Variants in KCNQ1 observed in about 807,000 individuals in gnomAD.
KCNQ1 encodes potassium voltage-gated channel subfamily Q member 1, also known as potassium voltage-gated channel subfamily KQT member 1.
KCNQ1 carries 49 observed loss-of-function variants against 72.4 expected under a neutral mutation model. That is an observed-to-expected ratio of 0.68 (90% CI 0.54 to 0.86). The LOEUF (loss-of-function observed/expected upper bound fraction) is 0.86. Among genes scored for constraint, KCNQ1 ranks in the 40% least tolerant of loss-of-function variants. KCNQ1 has a pLI of 0.00. For synonymous variants in KCNQ1, 450 were observed against 412.6 expected, an observed-to-expected ratio of 1.09 and a Z score of -1.10; for missense variants, 790 against 945.1, an observed-to-expected ratio of 0.84 and a Z score of 2.15.
rs1190720092 is a variant in KCNQ1 at position 2,547,042 on chromosome 11, G to T, written c.477+19024G>T. Among the ~76,000 whole-genome samples the T allele has an allele frequency of 6.6e-6, 1 of 152,148 alleles. No homozygotes were observed. Among genetic ancestry groups the T allele is most frequent in the Non-Finnish European group, 1.5e-5 (1 of 68,026 alleles). On this transcript the variant is annotated intron_variant, in intron 2 of 15. Transcript: ENST00000155840. The surrounding 1 kb of genome is among the most constrained non-coding windows in gnomAD (Gnocchi z 4.2). The stretch of plus-strand genomic sequence containing the variant: ...CATATAGTTGAGTCTTATTTTGTGA[G>T]TCAAACTATTTTTCTCCTGAAAAGT...
In KCNQ1 at chr11:2,451,008, G is replaced by A. The variant is rs1459181724; in HGVS notation, c.386+5524G>A. Among the ~76,000 whole-genome samples, 1 of 152,110 alleles carries A rather than the reference G, an allele frequency of 6.6e-6. No homozygotes were observed. Among genetic ancestry groups the A allele is most frequent in the Non-Finnish European group, 1.5e-5 (1 of 68,020 alleles). On this transcript the variant is annotated intron_variant, in intron 1 of 15. Transcript: ENST00000155840. This position sits in a 1 kb window ranked among gnomAD's most constrained non-coding sequence, Gnocchi z 6.4. ...TTCCCACTTCTCGACCATCTCCTGGGAAGTTCTAATGTTTGGTTCAGGGTG... is the reference window on the plus strand; with the variant it reads ...TTCCCACTTCTCGACCATCTCCTGGAAAGTTCTAATGTTTGGTTCAGGGTG...
intron 1 of KCNQ1, among the ~76,000 whole-genome samples, chr11:2,489,889 G>A (rs1396659764): frequency 6.6e-6 from 1 of 152,202 alleles, no homozygotes; most frequent in Admixed American, 6.5e-5. Context: ...TATCCTGTGG[G>A]CCTTGAATGA....
chr11:2,762,181 G>A lies in KCNQ1; in HGVS notation c.1515-6663G>A, dbSNP rs1022243963. Among the ~76,000 whole-genome samples, 1 of 152,246 alleles carries A rather than the reference G, an allele frequency of 6.6e-6. No homozygotes were observed. On this transcript the variant is annotated intron_variant, in intron 11 of 15. Transcript: ENST00000155840. The surrounding 1 kb of genome is among the most constrained non-coding windows in gnomAD (Gnocchi z 4.3). ...AGTTCCTCTCGTGTGTCAGGCCTGG[G>A]AGGGGGGCCTTCATGAGACCATCAC...
chr11:2,797,511 G>A (rs1847161849), intron 15 of KCNQ1, among the ~76,000 whole-genome samples: 1 of 152,202 alleles, frequency 6.6e-6, no homozygotes, highest in Non-Finnish European at 1.5e-5. Context: ...TCCCGTGGCT[G>A]TACCAGCCCT....
At position 2,592,918 on chromosome 11, in the gene KCNQ1, G is replaced by A. The variant is rs2133767002; in HGVS notation, c.1393+4064G>A. Among the ~76,000 whole-genome samples the A allele has an allele frequency of 6.6e-6, 1 of 152,316 alleles. No homozygotes were observed. Among genetic ancestry groups the A allele is most frequent in the East Asian group, 1.9e-4 (1 of 5,174 alleles). ...ATGCTGCCTCGCTGTCCCTGCCTCA[G>A]AGCCACTGTATTCACTCTGCCTGGA... is the stretch of plus-strand genomic sequence containing the variant. On this transcript the variant is annotated intron_variant, in intron 10 of 15. Coordinates refer to ENST00000155840, the MANE Select transcript of KCNQ1 (RefSeq NM_000218.3). This position sits in a 1 kb window ranked among gnomAD's most constrained non-coding sequence, Gnocchi z 5.2.
rs1202851556 is a variant in KCNQ1 at position 2,828,201 on chromosome 11, C to G, written c.1795-19566C>G. 6.6e-6 allele frequency among the ~76,000 whole-genome samples: 1 copy of G among 152,108 alleles called. No homozygotes were observed. The highest frequency in any genetic ancestry group is 1.5e-5 in the Non-Finnish European group (1 of 68,018). ...GACCTCAGCAGGCAGGGACTAGCAC[C>G]CAAGAAGAAAACTCTGAGAAGTCAG... On this transcript the variant is annotated intron_variant, in intron 15 of 15. Coordinates refer to ENST00000155840, the MANE Select transcript of KCNQ1 (RefSeq NM_000218.3). The surrounding 1 kb of genome is among the most constrained non-coding windows in gnomAD (Gnocchi z 5.3).
At chr11:2,804,237 C>T (rs1389022928) in intron 15 of KCNQ1, among the ~76,000 whole-genome samples, 1 of 152,190 alleles carries the variant, frequency 6.6e-6, no homozygotes, top group African/African-American at 2.4e-5. Context: ...GCCTGCTCTC[C>T]ACCGAGCCCT....
At chr11:2,615,921 G>C (rs1175373774) in intron 10 of KCNQ1, 1 of 397,978 alleles carries the variant, frequency 2.5e-6, no homozygotes, top group Non-Finnish European at 4.4e-6. Context: ...TTTTGGAAGA[G>C]TTTGAGAGGG....
At position 2,762,643 on chromosome 11, in the gene KCNQ1, T is replaced by C. The variant is rs1188641399; in HGVS notation, c.1515-6201T>C. Among the ~76,000 whole-genome samples, 1 of 152,214 alleles carries C rather than the reference T, an allele frequency of 6.6e-6. No individual in the cohort carries two copies. The highest frequency in any genetic ancestry group is 1.9e-4 in the East Asian group (1 of 5,200). On this transcript the variant is annotated intron_variant, in intron 11 of 15. Transcript: ENST00000155840. This position sits in a 1 kb window ranked among gnomAD's most constrained non-coding sequence, Gnocchi z 4.3. ...CGGTTGGCAAGTGAACGTGATCACCTGAGCTCCGCCTCCTGTCAGATCAGT... is the reference window on the plus strand; with the variant it reads ...CGGTTGGCAAGTGAACGTGATCACCCGAGCTCCGCCTCCTGTCAGATCAGT...
intron 15 of KCNQ1, among the ~76,000 whole-genome samples, chr11:2,835,310 A>T (rs1314863561): frequency 6.6e-6 from 1 of 151,558 alleles, no homozygotes; most frequent in East Asian, 1.9e-4. Flanking sequence ...AGTCTCTGCC[A>T]CCTCCCTGGG....
At chr11:2,692,550 C>G (rs1396216875) in intron 11 of KCNQ1, 5 of 398,672 alleles carry the variant, frequency 1.3e-5, no homozygotes, top group African/African-American at 8.2e-5. Flanking sequence ...CCTTGGCCTG[C>G]CCCTGCCACT....
intron 10 of KCNQ1, chr11:2,646,341 G>C (rs1590002564): frequency 5.0e-6 from 2 of 398,480 alleles, no homozygotes; most frequent in South Asian, 1.3e-4. Flanking sequence ...CATGAGCATG[G>C]GATGTCTCAA....
At chr11:2,831,318 C>T (rs1036108538) in intron 15 of KCNQ1, among the ~76,000 whole-genome samples, 4 of 152,188 alleles carry the variant, frequency 2.6e-5, no homozygotes, top group Non-Finnish European at 5.9e-5. Context: ...GCCTGCCCTA[C>T]ACCATCAGGG....
chr11:2,749,028 A>G (rs1162372887), intron 11 of KCNQ1, among the ~76,000 whole-genome samples: 1 of 152,254 alleles, frequency 6.6e-6, no homozygotes, highest in Admixed American at 6.5e-5. Context: ...GGCTGTGTCC[A>G]GCAAGTCCCT....
intron 1 of KCNQ1, among the ~76,000 whole-genome samples, chr11:2,474,236 T>A (rs374574985): frequency 3.3e-5 from 5 of 151,988 alleles, no homozygotes; most frequent in African/African-American, 1.2e-4. Context: ...TGTCCTCGAG[T>A]CTCCTGGTGG....
At chr11:2,469,261 G>T (rs1400245209) in intron 1 of KCNQ1, among the ~76,000 whole-genome samples, 1 of 151,528 alleles carries the variant, frequency 6.6e-6, no homozygotes, top group Non-Finnish European at 1.5e-5. Flanking sequence ...TTGAATTCAA[G>T]AGTTTTTTTT....
At chr11:2,700,846 C>T (rs912551474) in intron 11 of KCNQ1, among the ~76,000 whole-genome samples, 2 of 152,154 alleles carry the variant, frequency 1.3e-5, no homozygotes, top group African/African-American at 4.8e-5. Flanking sequence ...CCCTCCGCGC[C>T]GCTGGCGCGC....
chr11:2,718,475 G>T (rs1851137922), intron 11 of KCNQ1, among the ~76,000 whole-genome samples: 1 of 152,230 alleles, frequency 6.6e-6, no homozygotes, highest in Admixed American at 6.5e-5. Flanking sequence ...TGAGCAGAGG[G>T]GAGGACAGGG....
intron 6 of KCNQ1, among the ~76,000 whole-genome samples, chr11:2,575,923 C>T (rs1025160417): frequency 1.3e-5 from 2 of 152,218 alleles, no homozygotes; most frequent in Non-Finnish European, 2.9e-5. Context: ...GGGCCTGCCC[C>T]TCCGAAAGCT....
Sources: gnomAD v4.1 joint callset for allele counts (sites outside exome capture counted in the v4.1 genomes callset) on GRCh38, gnomAD v4.1.1 for gene constraint, Gnocchi (gnomAD v3.1) non-coding constraint, MANE v1.5 for transcripts, NCBI Gene and HGNC (gene_info 2026-07-23, HGNC 2026-07-21) for gene names.